The following TCF4 variants were observed in gnomAD, a reference collection of about 807,000 sequenced individuals.
TCF4 encodes SL3-3 enhancer factor 2.
Under a neutral mutation model 82.1 loss-of-function variants are expected in TCF4, and 3 were observed. That is an observed-to-expected ratio of 0.04 (90% CI 0.02 to 0.09). TCF4 has a LOEUF of 0.09. TCF4 is among the 10% of genes least tolerant of loss of function. TCF4 has a pLI of 1.00. For synonymous variants in TCF4, 276 were observed against 309.6 expected (o/e 0.89, Z 1.14); for missense variants, 518 against 852.7 (o/e 0.61, Z 4.89).
chr18:55,410,450 T>C (rs2094297748), intron 5 of TCF4, among the ~76,000 whole-genome samples: 1 of 152,080 alleles, frequency 6.6e-6, no homozygotes, highest in Admixed American at 6.6e-5. Context: ...CAATTCTCCA[T>C]AGAGCACTTA....
intron 3 of TCF4, among the ~76,000 whole-genome samples, chr18:55,495,056 T>G (rs1018510176): frequency 6.6e-6 from 1 of 151,990 alleles, no homozygotes; most frequent in Non-Finnish European, 1.5e-5. Flanking sequence ...AATGCATTCT[T>G]AGGTCTGGTT....
At chr18:55,402,094 TTTCTTTCCTGCAGAA>T in intron 6 of TCF4, 1 of 985,424 alleles carries the variant, frequency 1.0e-6, no homozygotes, top group Non-Finnish European at 1.2e-6. Context: ...TGGCTGTAAA[TTTCTTTCCTGCAGAA>T]TTCTTTCCAA....
At chr18:55,249,148 G>A (rs2054240774) in intron 15 of TCF4, among the ~76,000 whole-genome samples, 2 of 152,054 alleles carry the variant, frequency 1.3e-5, no homozygotes, top group Admixed American at 6.6e-5. Context: ...GATTTCCAGG[G>A]TACTTTTAGA....
chr18:55,459,322 C>A (rs1006464145), intron 5 of TCF4, among the ~76,000 whole-genome samples: 1 of 152,198 alleles, frequency 6.6e-6, no homozygotes, highest in Non-Finnish European at 1.5e-5. Flanking sequence ...CATGAGGAAA[C>A]ATGAACAGAA....
At chr18:55,379,824 A>G (rs2091562157) in intron 6 of TCF4, among the ~76,000 whole-genome samples, 1 of 152,166 alleles carries the variant, frequency 6.6e-6, no homozygotes, top group Non-Finnish European at 1.5e-5. Context: ...TCCGGAGGCT[A>G]GAATTCTAAG....
At chr18:55,506,852 CTTTCTTTTTTT>C (rs1336276026) in intron 3 of TCF4, among the ~76,000 whole-genome samples, 5 of 150,900 alleles carry the variant, frequency 3.3e-5, no homozygotes, top group African/African-American at 7.3e-5. Context: ...AGCATATGAT[CTTTCTTTTTTT>C]TTTCTTTTTT....
chr18:55,505,586 C>T (rs1022281712), intron 3 of TCF4, among the ~76,000 whole-genome samples: 1 of 151,712 alleles, frequency 6.6e-6, no homozygotes, highest in East Asian at 1.9e-4. Context: ...GGGCGGATCA[C>T]GAGGTCAGGA....
chr18:55,235,791 T>C (rs1298945438), intron 15 of TCF4, among the ~76,000 whole-genome samples: 1 of 150,306 alleles, frequency 6.7e-6, no homozygotes, highest in Admixed American at 6.7e-5. Context: ...CATACATTTA[T>C]ACTGCTATGA....
rs1277958549 is a variant in TCF4, at chr18:55,579,692, T to C, written c.145+5588A>G. ...ATGGGAACAGATCTAAATAGCATCA[T>C]AATACTAAACGTTGAAAATCACAGG... On this transcript the variant is annotated intron_variant, in intron 3 of 19. Transcript: ENST00000354452. 2.6e-5 allele frequency among the ~76,000 whole-genome samples: 4 copies of C among 152,016 alleles called. No individual in the cohort carries two copies. In the East Asian group the frequency reaches 5.8e-4, roughly 22 times the overall value.
rs1430030201 is a variant in TCF4, at chr18:55,228,736, T to G, written c.1879+111A>C. ...CTGCAATGGAAACAATTCTTTGGAA[T>G]GATGCTTGAAAGTCTACTGTCTGCC... On this transcript the variant is annotated intron_variant, in intron 18 of 19. Coordinates refer to ENST00000354452, the MANE Select transcript of TCF4 (RefSeq NM_001083962.2). 38 of 1,112,730 alleles carry G rather than the reference T, an allele frequency of 3.4e-5. 1 individual carries two copies. In the Admixed American group the frequency reaches 7.4e-4, roughly 22 times the overall value. The allele number at this position is 1,112,730 out of a possible 1,614,324, so 68.9% of individuals were successfully genotyped here. A position where few individuals can be genotyped will look rare whatever the true frequency, so the allele number is the denominator to read the frequency against.
At chr18:55,556,445 T>C (rs1291502320) in intron 3 of TCF4, among the ~76,000 whole-genome samples, 1 of 152,234 alleles carries the variant, frequency 6.6e-6, no homozygotes, top group African/African-American at 2.4e-5. Flanking sequence ...GATATGCAGC[T>C]ATCAATAAGC....
chr18:55,401,107 A>T, intron 6 of TCF4: 1 of 1,289,012 alleles, frequency 7.8e-7, no homozygotes. Context: ...CTGATGTTGT[A>T]GACAGGGATT....
intron 3 of TCF4, among the ~76,000 whole-genome samples, chr18:55,538,026 G>GCACGCACA (rs1555736301): frequency 7.6e-6 from 1 of 131,504 alleles, no homozygotes; most frequent in Non-Finnish European, 1.7e-5. Flanking sequence ...CTGCGCGCGC[G>GCACGCACA]CACACACACA....
chr18:55,292,877 A>C (rs575518222), intron 8 of TCF4, among the ~76,000 whole-genome samples: 1 of 152,220 alleles, frequency 6.6e-6, no homozygotes, highest in South Asian at 2.1e-4. Flanking sequence ...CATTATACAT[A>C]TATACATACA....
intron 3 of TCF4, among the ~76,000 whole-genome samples, chr18:55,564,030 A>G (rs2097378667): frequency 6.6e-6 from 1 of 152,244 alleles, no homozygotes; most frequent in African/African-American, 2.4e-5. Flanking sequence ...CAAATTCAGC[A>G]CGCACTGAAC....
At chr18:55,564,378 C>G (rs529466794) in intron 3 of TCF4, among the ~76,000 whole-genome samples, 3 of 152,306 alleles carry the variant, frequency 2.0e-5, no homozygotes, top group East Asian at 1.9e-4. Flanking sequence ...TAAAAAATCA[C>G]TCTGGTTGCT....
chr18:55,556,204 A>G (rs2097302771), intron 3 of TCF4, among the ~76,000 whole-genome samples: 1 of 151,792 alleles, frequency 6.6e-6, no homozygotes, highest in South Asian at 2.1e-4. Context: ...CTTTCAAAGG[A>G]GTGAGTGGTT....
intron 5 of TCF4, among the ~76,000 whole-genome samples, chr18:55,455,735 A>G (rs1484368666): frequency 1.3e-5 from 2 of 152,220 alleles, no homozygotes; most frequent in Non-Finnish European, 2.9e-5. Context: ...AATGATTGCC[A>G]TTATTGTACA....
chr18:55,531,242 C>A (rs2097059633), intron 3 of TCF4, among the ~76,000 whole-genome samples: 1 of 152,126 alleles, frequency 6.6e-6, no homozygotes, highest in Non-Finnish European at 1.5e-5. Context: ...TCATGAGCCA[C>A]CACACCAGGC....
Sources: allele counts gnomAD v4.1 joint callset (sites outside exome capture counted in the v4.1 genomes callset), GRCh38; gene constraint gnomAD v4.1.1; transcripts MANE v1.5; gene names NCBI Gene and HGNC (gene_info 2026-07-23, HGNC 2026-07-21).